The following LMO7 variants were observed in gnomAD, a reference collection of about 807,000 sequenced individuals.
The protein encoded by LMO7 is LIM domain 7.
Under a neutral mutation model 206.5 loss-of-function variants are expected in LMO7, and 120 were observed. That is an observed-to-expected ratio of 0.58 (90% CI 0.50 to 0.68). LMO7 has a LOEUF of 0.68. LMO7 is among the 30% of genes least tolerant of loss of function. The pLI is 0.00. For synonymous variants in LMO7, 706 were observed against 681.5 expected (o/e 1.04, Z -0.56); for missense variants, 1,959 against 1,957.9 (o/e 1.00, Z -0.01).
chr13:75,764,890 G>A (rs2048652793), intron 4 of LMO7, among the ~76,000 whole-genome samples: 1 of 152,008 alleles, frequency 6.6e-6, no homozygotes, highest in South Asian at 2.1e-4. Flanking sequence ...GATATTTTAA[G>A]TATAAAGTAT....
chr13:75,789,228 G>A (rs1464194078), intron 4 of LMO7: 1 of 152,176 alleles, frequency 6.6e-6, no homozygotes, highest in African/African-American at 2.4e-5. Context: ...TAATGATTCA[G>A]TCAGATAACT....
intron 3 of LMO7, among the ~76,000 whole-genome samples, chr13:75,754,090 T>G (rs1417834026): frequency 2.0e-5 from 3 of 152,242 alleles, no homozygotes; most frequent in Non-Finnish European, 4.4e-5. Context: ...GTACACAATT[T>G]AGTAGCATCT....
At chr13:75,625,427 ATGTG>A (rs59334649) in intron 2 of LMO7, among the ~76,000 whole-genome samples, 30,044 of 103,492 alleles carry the variant, frequency 0.29, 3,435 homozygotes, top group Middle Eastern at 0.41. Context: ...GTGTGTGTGC[ATGTG>A]TGTGTGTGTG....
chr13:75,763,332 C>T (rs977613375), intron 4 of LMO7, among the ~76,000 whole-genome samples: 8 of 152,084 alleles, frequency 5.3e-5, no homozygotes, highest in African/African-American at 1.9e-4. Context: ...GAAACTCTAG[C>T]TTTAGATTTA....
At position 75,623,231 on chromosome 13, in the gene LMO7, A is replaced by G. The variant is rs749423286; in HGVS notation, c.176-40A>G. 12 of 969,372 alleles carry G rather than the reference A, an allele frequency of 1.2e-5. No individual in the cohort carries two copies. The East Asian group carries it at 2.4e-4, about 20-fold the overall frequency. 60.0% of individuals were successfully genotyped at this position (969,372 alleles called of 1,614,324 possible). A position where few individuals can be genotyped will look rare whatever the true frequency, so the allele number is the denominator to read the frequency against. On this transcript the variant is annotated intron_variant, in intron 1 of 29. Coordinates refer to the LMO7 transcript ENST00000341547. ...TGATTACTTTTCATTTTTTTTCTGT[A>G]TTGGTTTTTTAACTTTCCTAATCAT...
intron 25 of LMO7, among the ~76,000 whole-genome samples, chr13:75,844,069 T>C (rs1289820003): frequency 6.6e-6 from 1 of 152,162 alleles, no homozygotes; most frequent in Non-Finnish European, 1.5e-5. Context: ...AAAACTTTAT[T>C]TATATAGCTC....
chr13:75,758,783 A>C (rs2047899598), intron 3 of LMO7, among the ~76,000 whole-genome samples: 1 of 152,160 alleles, frequency 6.6e-6, no homozygotes, highest in African/African-American at 2.4e-5. Context: ...CATTTGAGTA[A>C]GTTTACTTTT....
At chr13:75,684,584 A>G (rs9544024) in intron 1 of LMO7, among the ~76,000 whole-genome samples, 59,810 of 146,436 alleles carry the variant, frequency 0.41, 13,468 homozygotes, top group Middle Eastern at 0.53. Context: ...TTTTACCATG[A>G]AAGGCAGAAA....
intron 27 of LMO7, among the ~76,000 whole-genome samples, chr13:75,850,196 A>G (rs1230422781): frequency 6.6e-6 from 1 of 152,204 alleles, no homozygotes; most frequent in Non-Finnish European, 1.5e-5. Flanking sequence ...AACACAAAAC[A>G]TCAATACTAG....
At chr13:75,723,091 C>A (rs1234362571) in intron 2 of LMO7, among the ~76,000 whole-genome samples, 1 of 151,468 alleles carries the variant, frequency 6.6e-6, no homozygotes, top group Admixed American at 6.6e-5. Context: ...GATGAGTGCA[C>A]CAAAATCTTA....
intron 11 of LMO7, among the ~76,000 whole-genome samples, chr13:75,815,053 G>A (rs550627687): frequency 6.6e-6 from 1 of 152,294 alleles, no homozygotes; most frequent in East Asian, 1.9e-4. Flanking sequence ...AGTGGGTGCT[G>A]AGTAGAGGTA....
chr13:75,806,854 C>G (rs1201550077), intron 9 of LMO7: 1 of 152,602 alleles, frequency 6.6e-6, no homozygotes, highest in African/African-American at 2.4e-5. Flanking sequence ...GGCGGGGTGG[C>G]TCACGCCTGT....
At chr13:75,672,872 G>A (rs2039707882) in intron 1 of LMO7, among the ~76,000 whole-genome samples, 3 of 152,160 alleles carry the variant, frequency 2.0e-5, no homozygotes, top group African/African-American at 2.4e-5. Flanking sequence ...TTTTGTAGGA[G>A]CTCTTTCCTT....
chr13:75,640,611 A>G (rs542237264), intron 1 of LMO7, among the ~76,000 whole-genome samples: 35 of 152,248 alleles, frequency 2.3e-4, no homozygotes, highest in African/African-American at 8.4e-4. Flanking sequence ...TCGTTTTTCT[A>G]TATTAGTCTA....
In LMO7 at chr13:75,839,305, AT is replaced by A. The variant is rs553574653; in HGVS notation, c.3452-778del. On this transcript the variant is annotated intron_variant, in intron 20 of 30. Transcript: ENST00000377534. ...TTCTCCCATTTTTCTTCAACAGGCT[AT>A]TCTAGGGAAGAGTATTTTTCTAGGT... 1.6e-3 allele frequency among the ~76,000 whole-genome samples: 237 copies of A among 152,300 alleles called. 1 individual carries two copies. Among genetic ancestry groups the A allele is most frequent in the African/African-American group, 5.2e-3 (215 of 41,562 alleles).
At chr13:75,841,522 G>C (rs2059555489) in intron 23 of LMO7, 106 bp from the exon 24 acceptor site, 2 of 808,416 alleles carry the variant, frequency 2.5e-6, no homozygotes, top group Admixed American at 5.6e-5. Context: ...GTGGAGTCCT[G>C]GGCCAACTAT....
At chr13:75,763,689 A>G (rs990419262) in intron 4 of LMO7, among the ~76,000 whole-genome samples, 2 of 152,168 alleles carry the variant, frequency 1.3e-5, no homozygotes, top group African/African-American at 4.8e-5. Context: ...TGCAAACTCA[A>G]TCTAATCATG....
chr13:75,703,938 G>T (rs9573623), intron 1 of LMO7, among the ~76,000 whole-genome samples: 11,773 of 151,998 alleles, frequency 0.077, 1,002 homozygotes, highest in African/African-American at 0.21. Context: ...GTAAGTTTTT[G>T]GTATTTGTAA....
intron 3 of LMO7, among the ~76,000 whole-genome samples, chr13:75,754,113 A>G (rs562524728): frequency 9.8e-5 from 15 of 152,370 alleles, no homozygotes; most frequent in African/African-American, 3.4e-4. Context: ...TACATTCACA[A>G]TGTTGTGCAA....
Sources: gnomAD v4.1 joint callset for allele counts (sites outside exome capture counted in the v4.1 genomes callset) on GRCh38, gnomAD v4.1.1 for gene constraint, MANE v1.5 for transcripts, NCBI Gene and HGNC (gene_info 2026-07-23, HGNC 2026-07-21) for gene names.